Variants in ROR2 observed in about 807,000 individuals in gnomAD.
ROR2 encodes ROR family WNT receptor 2.
ROR2 carries 33 observed loss-of-function variants against 74.9 expected under a neutral mutation model. That is an observed-to-expected ratio of 0.44 (90% confidence interval 0.33 to 0.59). The LOEUF is 0.59. ROR2 is among the 20% of genes least tolerant of loss of function. The pLI is 0.02. For synonymous variants in ROR2, 586 were observed against 558.7 expected, an observed-to-expected ratio of 1.05 and a Z score of -0.69; for missense variants, 1,216 against 1,313.8, an observed-to-expected ratio of 0.93 and a Z score of 1.15.
At chr9:91,783,103 C>T (rs1826677672) in intron 1 of ROR2, among the ~76,000 whole-genome samples, 1 of 152,172 alleles carries the variant, frequency 6.6e-6, no homozygotes, top group South Asian at 2.1e-4. Flanking sequence ...TCCATCTCCT[C>T]ATTGTCCCTC....
At chr9:91,942,739 TA>T (rs2118067733) in intron 1 of ROR2, among the ~76,000 whole-genome samples, 1 of 152,244 alleles carries the variant, frequency 6.6e-6, no homozygotes, top group East Asian at 1.9e-4. Context: ...GTCCTTACAA[TA>T]AAAGGTCATG....
intron 1 of ROR2, among the ~76,000 whole-genome samples, chr9:91,883,980 G>C (rs920690212): frequency 9.9e-5 from 15 of 152,186 alleles, no homozygotes; most frequent in Middle Eastern, 3.4e-3. Context: ...TGGCCATTGA[G>C]ACAAGTACAC....
intron 1 of ROR2, among the ~76,000 whole-genome samples, chr9:91,861,131 AT>A (rs1472377269): frequency 6.6e-6 from 1 of 152,214 alleles, no homozygotes; most frequent in Non-Finnish European, 1.5e-5. Flanking sequence ...AAATGGAAAA[AT>A]ATCCTGTGTT....
intron 1 of ROR2, among the ~76,000 whole-genome samples, chr9:91,932,963 G>A (rs1249937072): frequency 1.3e-5 from 2 of 152,258 alleles, no homozygotes; most frequent in East Asian, 3.9e-4. Context: ...AGAATAAATT[G>A]CTGCCACCTT....
At chr9:91,890,782 T>C (rs1371066973) in intron 1 of ROR2, among the ~76,000 whole-genome samples, 3 of 152,200 alleles carry the variant, frequency 2.0e-5, no homozygotes, top group Non-Finnish European at 4.4e-5. Flanking sequence ...TTCTCCTGTG[T>C]TTTACCTTGA....
chr9:91,849,744 C>T (rs1414584861), intron 1 of ROR2, among the ~76,000 whole-genome samples: 1 of 152,246 alleles, frequency 6.6e-6, no homozygotes, highest in Admixed American at 6.5e-5. Flanking sequence ...TTGGACATGA[C>T]TTCAACCTCC....
chr9:91,731,719 A>G (rs993610096), intron 6 of ROR2, among the ~76,000 whole-genome samples: 1 of 152,182 alleles, frequency 6.6e-6, no homozygotes, highest in African/African-American at 2.4e-5. Flanking sequence ...GTTCAAGACC[A>G]GCCTGGCCAA....
intron 7 of ROR2, among the ~76,000 whole-genome samples, chr9:91,727,740 T>A (rs1679961255): frequency 6.6e-6 from 1 of 152,144 alleles, no homozygotes; most frequent in South Asian, 2.1e-4. Flanking sequence ...GAGGGCCCCA[T>A]GGCCAGGGGG....
intron 1 of ROR2, among the ~76,000 whole-genome samples, chr9:91,794,775 T>C (rs1422712134): frequency 6.6e-6 from 1 of 152,164 alleles, no homozygotes; most frequent in African/African-American, 2.4e-5. Context: ...TAATTCACCT[T>C]GGAAATTCTG....
At position 91,839,273 on chromosome 9, in the gene ROR2, T is replaced by TAA. The variant is rs1408199048; in HGVS notation, c.98-63456_98-63455insTT. Among the ~76,000 whole-genome samples the TAA allele has an allele frequency of 8.0e-3, 1,046 of 130,758 alleles. 20 individuals carry two copies. The highest frequency in any genetic ancestry group is 0.035 in the African/African-American group (978 of 28,290). The allele number at this position is 130,758 out of a possible 152,430, so 85.8% of individuals were successfully genotyped here. On this transcript the variant is annotated intron_variant, in intron 1 of 8. Transcript: ENST00000375708. ...GGGGGTGTGTGTGTGTGTGTGTGTGTGTGTGTGTGTGTGTGTGTGTGTAAG... is the reference window on the plus strand; with the variant it reads ...GGGGGTGTGTGTGTGTGTGTGTGTGTAAGTGTGTGTGTGTGTGTGTGTGTAAG...
chr9:91,762,059 G>A (rs1319560636), intron 2 of ROR2, among the ~76,000 whole-genome samples: 8 of 152,212 alleles, frequency 5.3e-5, no homozygotes, highest in Admixed American at 5.2e-4. Flanking sequence ...GTGGTGAGCA[G>A]CAGGACCTAG....
intron 3 of ROR2, among the ~76,000 whole-genome samples, chr9:91,756,743 C>CTTTTTTTTTTT (rs557043787): frequency 2.0e-4 from 21 of 104,062 alleles, no homozygotes; most frequent in South Asian, 3.0e-4. Context: ...TTTTTGTTCT[C>CTTTTTTTTTTT]TTTTTTTTTT....
chr9:91,792,658 G>A (rs1255017025), intron 1 of ROR2, among the ~76,000 whole-genome samples: 1 of 152,150 alleles, frequency 6.6e-6, no homozygotes, highest in Non-Finnish European at 1.5e-5. Flanking sequence ...GACTGACCAA[G>A]AGAAGACTCA....
intron 1 of ROR2, among the ~76,000 whole-genome samples, chr9:91,784,526 T>A (rs953289165): frequency 6.6e-6 from 1 of 152,346 alleles, no homozygotes; most frequent in Admixed American, 6.5e-5. Flanking sequence ...TCCGTGGTGA[T>A]GGCAGTCAGA....
chr9:91,907,702 C>T (rs1203171057), intron 1 of ROR2, among the ~76,000 whole-genome samples: 1 of 152,188 alleles, frequency 6.6e-6, no homozygotes, highest in Admixed American at 6.5e-5. Flanking sequence ...GATCTATCCT[C>T]CAAAATCCAT....
intron 1 of ROR2, among the ~76,000 whole-genome samples, chr9:91,813,040 C>T (rs1378669112): frequency 1.3e-5 from 2 of 152,112 alleles, no homozygotes; most frequent in African/African-American, 2.4e-5. Flanking sequence ...ATCCTCCATA[C>T]AAAGTTCATC....
At chr9:91,930,049 CA>C (rs991818775) in intron 1 of ROR2, among the ~76,000 whole-genome samples, 11 of 152,212 alleles carry the variant, frequency 7.2e-5, no homozygotes, top group Admixed American at 2.0e-4. Context: ...TCTGGGCACC[CA>C]AGCTGCACCC....
chr9:91,781,611 C>CT (rs1172682786), intron 1 of ROR2, among the ~76,000 whole-genome samples: 1 of 152,182 alleles, frequency 6.6e-6, no homozygotes, highest in Non-Finnish European at 1.5e-5. Flanking sequence ...TCAATTGCAG[C>CT]TAGAAAACCA....
intron 1 of ROR2, among the ~76,000 whole-genome samples, chr9:91,924,948 A>G (rs1831359560): frequency 6.6e-6 from 1 of 152,092 alleles, no homozygotes; most frequent in Non-Finnish European, 1.5e-5. Context: ...AGGCTCAAGC[A>G]ATCCTCTCAC....
Sources: gnomAD v4.1 joint callset for allele counts (sites outside exome capture counted in the v4.1 genomes callset) on GRCh38, gnomAD v4.1.1 for gene constraint, MANE v1.5 for transcripts, NCBI Gene and HGNC (gene_info 2026-07-23, HGNC 2026-07-21) for gene names.